ADAMTS6: variants seen among roughly 807,000 people sequenced by gnomAD.
ADAMTS6 encodes the protein ADAM metallopeptidase with thrombospondin type 1 motif 6.
A neutral mutation model predicts 144.3 loss-of-function variants in ADAMTS6; 23 were observed. The ratio of observed to expected loss-of-function variants is 0.16; its 90% CI spans 0.11 to 0.23. ADAMTS6 has a LOEUF of 0.23. Ranked by LOEUF, ADAMTS6 falls within the 10% of genes least tolerant of loss-of-function variation. ADAMTS6 has a pLI of 1.00. For missense variants in ADAMTS6, 999 were observed against 1,379.6 expected (o/e 0.72, Z 4.37); for synonymous variants, 444 against 457.5 (o/e 0.97, Z 0.38).
Position 65,291,474 on chromosome 5 carries a change from T to G in ADAMTS6, c.1371-4A>C. ...AAGGCAAGTACCACGGCCTGAACTGTTCAACATAAAGGATCAAAGGAAATT... is the reference window on the plus strand; with the variant it reads ...AAGGCAAGTACCACGGCCTGAACTGGTCAACATAAAGGATCAAAGGAAATT... On this transcript the variant is annotated splice_polypyrimidine_tract_variant and splice_region_variant and intron_variant, in intron 10 of 24. Coordinates refer to ENST00000381055, the MANE Select transcript of ADAMTS6 (RefSeq NM_197941.4). The G allele has an allele frequency of 2.5e-6, 4 of 1,603,212 alleles. No individual in the cohort carries two copies. Among genetic ancestry groups the G allele is most frequent in the Non-Finnish European group, 3.4e-6 (4 of 1,175,494 alleles).
chr5:65,302,258 T>TATATTAATATATAAATTATATATAAA, intron 9 of ADAMTS6, among the ~76,000 whole-genome samples: 1 of 140,400 alleles, frequency 7.1e-6, no homozygotes, highest in Non-Finnish European at 1.5e-5. Flanking sequence ...TACATTATTA[T>TATATTAATATATAAATTATATATAAA]ATATTAATAT....
chr5:65,194,445 T>A (rs1755209432), intron 21 of ADAMTS6, among the ~76,000 whole-genome samples: 1 of 152,230 alleles, frequency 6.6e-6, no homozygotes, highest in South Asian at 2.1e-4. Flanking sequence ...GGTAGTGTTC[T>A]GAGCACATTT....
intron 11 of ADAMTS6, among the ~76,000 whole-genome samples, chr5:65,274,857 G>C (rs1190450065): frequency 6.6e-6 from 1 of 152,064 alleles, no homozygotes; most frequent in African/African-American, 2.4e-5. Context: ...GCTAATTTTT[G>C]TATTTTCAGT....
At chr5:65,275,367 G>GAA (rs1245399193) in intron 11 of ADAMTS6, among the ~76,000 whole-genome samples, 1 of 92,068 alleles carries the variant, frequency 1.1e-5, no homozygotes, top group Non-Finnish European at 2.3e-5. Context: ...AAGAAAGAAA[G>GAA]AAAGAAAGAA....
intron 14 of ADAMTS6, among the ~76,000 whole-genome samples, chr5:65,245,767 C>T (rs929066603): frequency 6.6e-5 from 10 of 152,032 alleles, no homozygotes; most frequent in Non-Finnish European, 1.5e-4. Context: ...GTCTCTGTTG[C>T]AACTACTCAA....
At chr5:65,194,231 T>C (rs1332533112) in intron 21 of ADAMTS6, among the ~76,000 whole-genome samples, 1 of 152,246 alleles carries the variant, frequency 6.6e-6, no homozygotes, top group Non-Finnish European at 1.5e-5. Context: ...CAACTTTACA[T>C]GATAAGAAAG....
chr5:65,436,506 T>G (rs1270760614), intron 7 of ADAMTS6, among the ~76,000 whole-genome samples: 1 of 152,102 alleles, frequency 6.6e-6, no homozygotes, highest in African/African-American at 2.4e-5. Flanking sequence ...TCAAATCATT[T>G]AAGAAAAACA....
chr5:65,453,730 A>C (rs924416577), intron 4 of ADAMTS6, among the ~76,000 whole-genome samples: 1 of 152,188 alleles, frequency 6.6e-6, no homozygotes, highest in African/African-American at 2.4e-5. Context: ...GAGCATGTAG[A>C]GGTTCTCTGT....
chr5:65,251,167 T>G (rs1760126730), intron 14 of ADAMTS6: 1 of 152,334 alleles, frequency 6.6e-6, no homozygotes, highest in Admixed American at 6.5e-5. Flanking sequence ...CAAACATTTT[T>G]CAGAAGATTG....
intron 7 of ADAMTS6, among the ~76,000 whole-genome samples, chr5:65,418,814 T>C (rs1033964454): frequency 3.9e-5 from 6 of 152,042 alleles, no homozygotes; most frequent in Non-Finnish European, 7.4e-5. Flanking sequence ...ACATCACTAA[T>C]CATCAGAAAA....
At chr5:65,154,233 C>T (rs1752285131) in intron 24 of ADAMTS6, among the ~76,000 whole-genome samples, 1 of 152,098 alleles carries the variant, frequency 6.6e-6, no homozygotes, top group Non-Finnish European at 1.5e-5. Context: ...AAACAAAAAA[C>T]TCAAATATGA....
At chr5:65,293,305 T>C (rs1415762465) in intron 10 of ADAMTS6, among the ~76,000 whole-genome samples, 1 of 152,110 alleles carries the variant, frequency 6.6e-6, no homozygotes, top group Non-Finnish European at 1.5e-5. Context: ...TAAGTACTAC[T>C]ATAAATCTTT....
chr5:65,247,560 T>C (rs1759739860), intron 14 of ADAMTS6, among the ~76,000 whole-genome samples: 1 of 152,150 alleles, frequency 6.6e-6, no homozygotes, highest in Admixed American at 6.5e-5. Flanking sequence ...TCAAGAGAAA[T>C]ACACATCAAA....
intron 7 of ADAMTS6, among the ~76,000 whole-genome samples, chr5:65,337,817 C>T (rs944076934): frequency 6.6e-6 from 1 of 152,130 alleles, no homozygotes; most frequent in Non-Finnish European, 1.5e-5. Flanking sequence ...CAGATCCAAG[C>T]CACTTCAGGA....
chr5:65,480,093 C>T (rs1196669280), intron 1 of ADAMTS6, among the ~76,000 whole-genome samples: 4 of 152,110 alleles, frequency 2.6e-5, no homozygotes, highest in African/African-American at 7.2e-5. Context: ...TTTTGTGTTA[C>T]GTTTCTTTTC....
At chr5:65,291,184 T>C in intron 11 of ADAMTS6, 145 bp downstream of exon 11, 1 of 865,736 alleles carries the variant, frequency 1.2e-6, no homozygotes, top group African/African-American at 1.7e-5. Context: ...GTACATATGA[T>C]GTCAGAAAAA....
intron 7 of ADAMTS6, among the ~76,000 whole-genome samples, chr5:65,432,089 G>A (rs141461481): frequency 4.6e-4 from 70 of 152,082 alleles, no homozygotes; most frequent in African/African-American, 1.7e-3. Flanking sequence ...TATTATTAAG[G>A]TGTAGAGAAC....
intron 11 of ADAMTS6, among the ~76,000 whole-genome samples, chr5:65,286,037 G>A (rs755871543): frequency 5.3e-5 from 8 of 152,110 alleles, no homozygotes; most frequent in Non-Finnish European, 1.0e-4. Context: ...AGTACAAAAG[G>A]TTCAGATTCT....
At position 65,452,191 on chromosome 5, in the gene ADAMTS6, C is replaced by T; in HGVS notation, c.869G>A (p.Ser290Asn). The T allele has an allele frequency of 6.2e-7, 1 of 1,612,702 alleles. No homozygotes were observed. Among genetic ancestry groups the T allele is most frequent in the Non-Finnish European group, 8.5e-7 (1 of 1,179,210 alleles). The change falls in exon 6 of 25, where the codon AGC becomes AAC. Residue 290 changes from serine to asparagine, a missense_variant. Physicochemically the swap from Ser to Asn is conservative, Grantham distance 46. This residue lies in a region of ADAMTS6 where 128 missense variants were observed against 249.0 expected (regional missense o/e 0.51). Transcript: ENST00000381055. ...TATAATATTCACAACGTTTCCTAGG[C>T]TGGAATCACGGTAAAGTTTGGCAAC... The part of the protein sequence containing the change: ...NIVAKLYRDS[S>N]LGNVVNIIVA...
Sources: gnomAD v4.1 joint callset for allele counts (sites outside exome capture counted in the v4.1 genomes callset) on GRCh38, gnomAD v4.1.1 for gene constraint, gnomAD v4.1.1 regional missense constraint, MANE v1.5 for transcripts, NCBI Gene and HGNC (gene_info 2026-07-23, HGNC 2026-07-21) for gene names.